PRKG1: variants seen among roughly 807,000 people sequenced by gnomAD.
PRKG1 encodes cGMP-dependent protein kinase 1.
A neutral mutation model predicts 88.1 loss-of-function variants in PRKG1; 35 were observed. The ratio of observed to expected loss-of-function variants is 0.40; its 90% CI spans 0.30 to 0.53. PRKG1 has a LOEUF of 0.53. PRKG1 is among the 20% of genes least tolerant of loss of function. PRKG1 has a pLI of 0.59. For synonymous variants in PRKG1, 303 were observed against 292.5 expected (o/e 1.04, Z -0.37); for missense variants, 540 against 839.8 (o/e 0.64, Z 4.41).
chr10:51,619,240 AG>A (rs2132258552), intron 3 of PRKG1, among the ~76,000 whole-genome samples: 2 of 152,288 alleles, frequency 1.3e-5, no homozygotes, highest in South Asian at 2.1e-4. Flanking sequence ...TTCAAGGAAA[AG>A]GGGTAGCTGA....
chr10:51,115,730 G>A (rs1254561405), intron 1 of PRKG1, among the ~76,000 whole-genome samples: 3 of 151,582 alleles, frequency 2.0e-5, no homozygotes, highest in Non-Finnish European at 4.4e-5. Flanking sequence ...CCAGCTATTC[G>A]GGACGCTGAG....
At chr10:51,160,841 T>A (rs1240056329) in intron 2 of PRKG1, among the ~76,000 whole-genome samples, 1 of 151,928 alleles carries the variant, frequency 6.6e-6, no homozygotes, top group Admixed American at 6.6e-5. Flanking sequence ...TGTATGTTTT[T>A]AAAGAAATCC....
chr10:51,705,297 A>G, intron 3 of PRKG1, among the ~76,000 whole-genome samples: 1 of 152,190 alleles, frequency 6.6e-6, no homozygotes, highest in East Asian at 1.9e-4. Context: ...GTATTACCAT[A>G]AAATCCATAT....
At chr10:52,013,055 A>T (rs979923970) in intron 5 of PRKG1, among the ~76,000 whole-genome samples, 2 of 152,122 alleles carry the variant, frequency 1.3e-5, no homozygotes, top group Non-Finnish European at 2.9e-5. Context: ...AAAATAGTAA[A>T]CTCAGGCTGC....
At chr10:51,821,980 A>G (rs977190142) in intron 4 of PRKG1, among the ~76,000 whole-genome samples, 2 of 152,258 alleles carry the variant, frequency 1.3e-5, no homozygotes, top group South Asian at 4.1e-4. Context: ...TCAAATCAGT[A>G]TGGTGAAGAG....
intron 4 of PRKG1, among the ~76,000 whole-genome samples, chr10:51,813,733 G>A (rs2132628111): frequency 6.6e-6 from 1 of 152,106 alleles, no homozygotes; most frequent in South Asian, 2.1e-4. Context: ...CATTAAATTG[G>A]CATTTACTTA....
Position 51,051,802 on chromosome 10 carries a change from A to T in PRKG1, c.266+60158A>T, listed in dbSNP as rs151115938. On this transcript the variant is annotated intron_variant, in intron 1 of 17. Transcript: ENST00000401604. ...TTAGATGAAGAACAAACATCACTTAACTCACATTGCAAAGTTGCACTTCTG... is the reference window on the plus strand; with the variant it reads ...TTAGATGAAGAACAAACATCACTTATCTCACATTGCAAAGTTGCACTTCTG... Among the ~76,000 whole-genome samples the T allele has an allele frequency of 6.6e-5, 10 of 152,228 alleles. No individual in the cohort carries two copies. In the East Asian group the frequency reaches 1.7e-3, roughly 26 times the overall value.
At chr10:51,879,443 G>A (rs1483048151) in intron 4 of PRKG1, among the ~76,000 whole-genome samples, 2 of 152,176 alleles carry the variant, frequency 1.3e-5, no homozygotes, top group Non-Finnish European at 2.9e-5. Flanking sequence ...ATGTCCATCT[G>A]TGAGAAGTTG....
chr10:51,741,040 C>G (rs887900905), intron 3 of PRKG1, among the ~76,000 whole-genome samples: 2 of 151,628 alleles, frequency 1.3e-5, no homozygotes, highest in African/African-American at 4.8e-5. Context: ...TGTGGGGACA[C>G]CATCATACAA....
chr10:51,380,808 A>G (rs1837064994), intron 2 of PRKG1, among the ~76,000 whole-genome samples: 2 of 152,168 alleles, frequency 1.3e-5, no homozygotes, highest in African/African-American at 2.4e-5. Context: ...GGGCCAGGGT[A>G]TAACCTTATA....
At chr10:51,619,303 C>T (rs1839147945) in intron 3 of PRKG1, among the ~76,000 whole-genome samples, 2 of 152,138 alleles carry the variant, frequency 1.3e-5, no homozygotes, top group Non-Finnish European at 2.9e-5. Flanking sequence ...AAAGCAGGTA[C>T]ATTTTAATGC....
At chr10:52,081,928 TA>T (rs1846785973) in intron 7 of PRKG1, among the ~76,000 whole-genome samples, 1 of 152,114 alleles carries the variant, frequency 6.6e-6, no homozygotes, top group African/African-American at 2.4e-5. Flanking sequence ...GACCATTTAA[TA>T]TCCGTATTAG....
intron 3 of PRKG1, among the ~76,000 whole-genome samples, chr10:51,579,174 G>T (rs1033757529): frequency 1.3e-5 from 2 of 151,592 alleles, no homozygotes; most frequent in East Asian, 1.9e-4. Flanking sequence ...TAGAAATGGG[G>T]TTTCACCGTG....
chr10:51,002,900 G>A (rs1842903502), intron 1 of PRKG1, among the ~76,000 whole-genome samples: 1 of 152,128 alleles, frequency 6.6e-6, no homozygotes, highest in African/African-American at 2.4e-5. Context: ...ATCATACTTA[G>A]ATAAACAGGC....
At chr10:51,578,747 G>T (rs942019392) in intron 3 of PRKG1, among the ~76,000 whole-genome samples, 5 of 152,038 alleles carry the variant, frequency 3.3e-5, no homozygotes, top group Non-Finnish European at 7.4e-5. Flanking sequence ...TCTGTTAGAA[G>T]ACACCATGTT....
Position 51,729,534 on chromosome 10 carries a change from C to T in PRKG1, c.593-75051C>T, listed in dbSNP as rs371140759. Reference sequence around the variant, plus strand: ...CCAGCCTGACCAACATGGTGAAACCCTGTCTCTACTAAAAATACAAAAATT... The same window carrying T: ...CCAGCCTGACCAACATGGTGAAACCTTGTCTCTACTAAAAATACAAAAATT... On this transcript the variant is annotated intron_variant, in intron 3 of 17. Coordinates refer to ENST00000373980, the MANE Select transcript of PRKG1 (RefSeq NM_006258.4). 2.6e-5 allele frequency among the ~76,000 whole-genome samples: 4 copies of T among 151,640 alleles called. No individual in the cohort carries two copies. In the East Asian group the frequency reaches 5.8e-4, roughly 22 times the overall value.
At chr10:51,670,522 G>A (rs571478485) in intron 3 of PRKG1, among the ~76,000 whole-genome samples, 3 of 150,482 alleles carry the variant, frequency 2.0e-5, no homozygotes, top group South Asian at 4.1e-4. Flanking sequence ...AGATCACGAG[G>A]TCAGGAGATC....
In PRKG1 at chr10:51,628,487, A is replaced by G. The variant is rs191149014; in HGVS notation, c.592+160651A>G. ...CTGGTCTTGTTTTCAGTGGTAAATTAGTACACGTGTTTTCCCTCAACATTG... is the reference window on the plus strand; with the variant it reads ...CTGGTCTTGTTTTCAGTGGTAAATTGGTACACGTGTTTTCCCTCAACATTG... On this transcript the variant is annotated intron_variant, in intron 3 of 17. Coordinates refer to ENST00000373980, the MANE Select transcript of PRKG1 (RefSeq NM_006258.4). Among the ~76,000 whole-genome samples, 189 of 152,202 alleles carry G rather than the reference A, an allele frequency of 1.2e-3. 2 individuals carry two copies. The highest frequency in any genetic ancestry group is 2.6e-3 in the Admixed American group (39 of 15,290).
At chr10:51,663,642 A>G (rs1191036225) in intron 3 of PRKG1, among the ~76,000 whole-genome samples, 1 of 150,104 alleles carries the variant, frequency 6.7e-6, no homozygotes, top group East Asian at 2.0e-4. Context: ...ACTTGAGCGC[A>G]GAAGTTTGAG....
Sources: allele counts gnomAD v4.1 joint callset (sites outside exome capture counted in the v4.1 genomes callset), GRCh38; gene constraint gnomAD v4.1.1; transcripts MANE v1.5; gene names NCBI Gene and HGNC (gene_info 2026-07-23, HGNC 2026-07-21).